The following MEI4 variants were observed in gnomAD, a reference collection of about 807,000 sequenced individuals.
The protein encoded by MEI4 is meiotic double-stranded break formation protein 4.
A neutral mutation model predicts 31.4 loss-of-function variants in MEI4; 27 were observed. That is an observed-to-expected ratio of 0.86 (90% CI 0.63 to 1.19). The LOEUF is 1.19. Ranked by LOEUF, MEI4 falls within the 50% of genes most tolerant of loss-of-function variation. The pLI is 0.00. For missense variants in MEI4, 329 were observed against 398.9 expected (o/e 0.82, Z 1.49); for synonymous variants, 122 against 145.4 (o/e 0.84, Z 1.16).
chr6:77,804,069 G>A (rs911398781), intron 3 of MEI4, among the ~76,000 whole-genome samples: 22 of 152,170 alleles, frequency 1.4e-4, no homozygotes, highest in African/African-American at 2.9e-4. Flanking sequence ...TAGCCCCAGC[G>A]GTGAAGTCTA....
At chr6:77,744,583 G>A (rs916197141) in intron 2 of MEI4, among the ~76,000 whole-genome samples, 4 of 152,164 alleles carry the variant, frequency 2.6e-5, no homozygotes, top group Admixed American at 2.6e-4. Context: ...AATCTAGCAA[G>A]GCAGGCCAAC....
intron 1 of MEI4, among the ~76,000 whole-genome samples, chr6:77,663,310 T>C (rs200532528): frequency 6.6e-6 from 1 of 151,674 alleles, no homozygotes; most frequent in Admixed American, 6.6e-5. Flanking sequence ...TGGCATTGAG[T>C]GGGGTAAGGG....
At position 77,876,763 on chromosome 6, in the gene MEI4, TATTA is replaced by T. The variant is rs1771351683; in HGVS notation, c.901-46320_901-46317del. On this transcript the variant is annotated intron_variant, in intron 4 of 4. Transcript: ENST00000684080. ...CATGTTTCTGCCAAATCAATCTGTT[TATTA>T]ATTAAACCCATTAAAAATATTAATC... 3.3e-5 allele frequency among the ~76,000 whole-genome samples: 5 copies of T among 152,302 alleles called. 1 individual carries two copies. The South Asian group carries it at 1.0e-3, about 32-fold the overall frequency.
intron 4 of MEI4, among the ~76,000 whole-genome samples, chr6:77,855,907 G>A (rs1368450143): frequency 6.6e-6 from 1 of 151,948 alleles, no homozygotes; most frequent in Non-Finnish European, 1.5e-5. Flanking sequence ...CATGATATGC[G>A]AGTTTAATCA....
chr6:77,810,293 TTCC>T (rs1769544969), intron 3 of MEI4, among the ~76,000 whole-genome samples: 5 of 152,162 alleles, frequency 3.3e-5, no homozygotes, highest in Admixed American at 3.3e-4. Flanking sequence ...TCTGCAAATC[TTCC>T]TCCAGGCCAC....
intron 3 of MEI4, among the ~76,000 whole-genome samples, chr6:77,828,504 G>GC (rs1169891391): frequency 6.6e-6 from 1 of 151,922 alleles, no homozygotes; most frequent in South Asian, 2.1e-4. Context: ...GATCCACCCT[G>GC]CCCCCCTTCC....
chr6:77,777,494 T>G (rs1768481886), intron 3 of MEI4, among the ~76,000 whole-genome samples: 1 of 152,168 alleles, frequency 6.6e-6, no homozygotes, highest in South Asian at 2.1e-4. Context: ...CTGGATATTT[T>G]TTCATTGGAA....
intron 3 of MEI4, among the ~76,000 whole-genome samples, chr6:77,804,385 T>A (rs1442394348): frequency 2.0e-5 from 3 of 152,240 alleles, no homozygotes; most frequent in Non-Finnish European, 4.4e-5. Context: ...GGGAATTCCC[T>A]GACCCCTTGC....
At chr6:77,788,260 A>G (rs945320022) in intron 3 of MEI4, among the ~76,000 whole-genome samples, 1 of 152,226 alleles carries the variant, frequency 6.6e-6, no homozygotes, top group African/African-American at 2.4e-5. Context: ...CCTCAAAATA[A>G]TAAGAGCTAT....
chr6:77,836,039 AATTT>A (rs1439058331), intron 4 of MEI4, among the ~76,000 whole-genome samples: 6 of 152,144 alleles, frequency 3.9e-5, no homozygotes, highest in Admixed American at 6.5e-5. Context: ...TACTTTTAAA[AATTT>A]ATTTAAAAAA....
chr6:77,887,873 G>T (rs2127731006), intron 4 of MEI4, among the ~76,000 whole-genome samples: 1 of 152,250 alleles, frequency 6.6e-6, no homozygotes, highest in South Asian at 2.1e-4. Context: ...TGTTGGAATT[G>T]CCAACTGTTA....
intron 2 of MEI4, among the ~76,000 whole-genome samples, chr6:77,730,214 C>G (rs757642723): frequency 1.3e-5 from 2 of 152,032 alleles, no homozygotes; most frequent in Non-Finnish European, 2.9e-5. Context: ...GTATTGCTGA[C>G]TTCAGTAATT....
intron 2 of MEI4, among the ~76,000 whole-genome samples, chr6:77,719,489 A>G (rs1333955225): frequency 7.4e-5 from 4 of 54,064 alleles, no homozygotes; most frequent in Non-Finnish European, 1.0e-4. Context: ...ACGATACCCA[A>G]TGGAAATATT....
chr6:77,726,245 T>A (rs1284477041), intron 2 of MEI4, among the ~76,000 whole-genome samples: 3 of 147,898 alleles, frequency 2.0e-5, no homozygotes, highest in Admixed American at 6.8e-5. Flanking sequence ...GGGTTGGGGG[T>A]AAGGTCACAG....
chr6:77,902,059 G>A (rs900445629), intron 4 of MEI4, among the ~76,000 whole-genome samples: 4 of 151,968 alleles, frequency 2.6e-5, no homozygotes, highest in East Asian at 1.9e-4. Context: ...TGATCCACTG[G>A]ACTATGTCTG....
At chr6:77,809,613 GA>G (rs1769525216) in intron 3 of MEI4, among the ~76,000 whole-genome samples, 2 of 152,160 alleles carry the variant, frequency 1.3e-5, no homozygotes, top group South Asian at 4.1e-4. Context: ...GGAGCTCATA[GA>G]GGCCAGGGAG....
chr6:77,872,211 T>C (rs1232196684), intron 4 of MEI4, among the ~76,000 whole-genome samples: 1 of 152,174 alleles, frequency 6.6e-6, no homozygotes, highest in Non-Finnish European at 1.5e-5. Context: ...GAATTTTTGC[T>C]GGAAGAAATG....
intron 4 of MEI4, among the ~76,000 whole-genome samples, chr6:77,866,548 T>A (rs545488705): frequency 3.9e-5 from 6 of 152,252 alleles, no homozygotes; most frequent in African/African-American, 1.4e-4. Flanking sequence ...GAAGGAGAAC[T>A]ACAAACCACT....
chr6:77,832,037 A>G (rs1408830117), intron 4 of MEI4, among the ~76,000 whole-genome samples: 2 of 152,172 alleles, frequency 1.3e-5, no homozygotes, highest in Admixed American at 6.5e-5. Context: ...TATCCCCAGT[A>G]TATGTACAAC....
Sources: allele counts gnomAD v4.1 joint callset (sites outside exome capture counted in the v4.1 genomes callset), GRCh38; gene constraint gnomAD v4.1.1; transcripts MANE v1.5; gene names NCBI Gene and HGNC (gene_info 2026-07-23, HGNC 2026-07-21).